NOPCHAP1: variants seen among roughly 807,000 people sequenced by gnomAD.
The protein encoded by NOPCHAP1 is NOP protein chaperone 1.
In NOPCHAP1, 13 loss-of-function variants were observed where a neutral mutation model predicts 14.0. The ratio of observed to expected loss-of-function variants is 0.93; its 90% CI spans 0.60 to 1.47. The LOEUF is 1.47. NOPCHAP1 is among the 40% of genes most tolerant of loss of function. The pLI, the probability that NOPCHAP1 is intolerant of heterozygous loss-of-function variation, is 0.00. For missense variants in NOPCHAP1, 230 were observed against 226.9 expected (o/e 1.01, Z -0.09); for synonymous variants, 78 against 78.4 (o/e 1.00, Z 0.03).
intron 1 of NOPCHAP1, 29 bp from the exon 2 acceptor site, chr12:104,988,138 T>G: frequency 1.0e-5 from 16 of 1,529,526 alleles, no homozygotes; most frequent in Non-Finnish European, 1.4e-5. Flanking sequence ...TGTAGTAAAT[T>G]AAGGGTGTTT....
rs1353812157 is a variant in NOPCHAP1 at position 105,006,679 on chromosome 12, A to G, written c.*11983A>G. 3 of 152,198 alleles carry G rather than the reference A, an allele frequency of 2.0e-5. No homozygotes were observed. The highest frequency in any genetic ancestry group is 2.4e-5 in the African/African-American group (1 of 41,462). 9.4% of individuals were successfully genotyped at this position (152,198 alleles called of 1,614,324 possible). ...TAGATAAGGGCAGTCCTGATCATAAATCTAATTGCATTTGCACAAAACAGT... is the reference window on the plus strand; with the variant it reads ...TAGATAAGGGCAGTCCTGATCATAAGTCTAATTGCATTTGCACAAAACAGT... On this transcript the variant is annotated 3_prime_UTR_variant, in exon 4 of 4. Transcript: ENST00000552951.
At position 105,016,533 on chromosome 12, in the gene NOPCHAP1, C is replaced by T. The variant is rs558993435; in HGVS notation, c.*21837C>T. The T allele has an allele frequency of 1.4e-4, 22 of 152,832 alleles. No individual in the cohort carries two copies. The highest frequency in any genetic ancestry group is 5.3e-4 in the African/African-American group (22 of 41,562). The allele number at this position is 152,832 out of a possible 1,614,324, so 9.5% of individuals were successfully genotyped here. Reference sequence around the variant, plus strand: ...AAGGAGGTTTAATGGACTCACAGTTCCACATGGCTGAGGAGACCTCACAAT... The same window carrying T: ...AAGGAGGTTTAATGGACTCACAGTTTCACATGGCTGAGGAGACCTCACAAT... On this transcript the variant is annotated 3_prime_UTR_variant, in exon 4 of 4. Coordinates refer to ENST00000552951, the MANE Select transcript of NOPCHAP1 (RefSeq NM_152318.3).
intron 2 of NOPCHAP1, among the ~76,000 whole-genome samples, chr12:104,991,310 A>G (rs186273203): frequency 3.0e-4 from 45 of 152,304 alleles, no homozygotes; most frequent in Non-Finnish European, 7.3e-5. Flanking sequence ...GGCAGAAATA[A>G]CCACTACTTA....
In NOPCHAP1 at chr12:104,997,175, A is replaced by G. The variant is rs1873516689; in HGVS notation, c.*2479A>G. 1 of 152,324 alleles carries G rather than the reference A, an allele frequency of 6.6e-6. No individual in the cohort carries two copies. The highest frequency in any genetic ancestry group is 2.4e-5 in the African/African-American group (1 of 41,574). The allele number at this position is 152,324 out of a possible 1,614,324, so 9.4% of individuals were successfully genotyped here. ...AGACTTGTCTGTGTGGTTGCTTTAT[A>G]GTGTTACTAATCTACCTACTTAAGT... On this transcript the variant is annotated 3_prime_UTR_variant, in exon 4 of 4. Transcript: ENST00000552951.
rs1042131124 is a variant in NOPCHAP1 at position 104,996,322 on chromosome 12, G to A, written c.*1626G>A. 1.3e-5 allele frequency: 2 copies of A among 151,266 alleles called. No individual in the cohort carries two copies. The highest frequency in any genetic ancestry group is 2.9e-5 in the Non-Finnish European group (2 of 67,826). 9.4% of individuals were successfully genotyped at this position (151,266 alleles called of 1,614,324 possible). Reference sequence around the variant, plus strand: ...CCAGGAGGAAACTTACTTTTTTATAGTTCCCCTCCTTTTAAAAAGATGTTT... The same window carrying A: ...CCAGGAGGAAACTTACTTTTTTATAATTCCCCTCCTTTTAAAAAGATGTTT... On this transcript the variant is annotated 3_prime_UTR_variant, in exon 4 of 4. Transcript: ENST00000552951.
In NOPCHAP1 at chr12:105,011,232, G is replaced by A. The variant is rs949233375; in HGVS notation, c.*16536G>A. 2 of 152,118 alleles carry A rather than the reference G, an allele frequency of 1.3e-5. No homozygotes were observed. Among genetic ancestry groups the A allele is most frequent in the Non-Finnish European group, 2.9e-5 (2 of 68,016 alleles). The allele number at this position is 152,118 out of a possible 1,614,324, so 9.4% of individuals were successfully genotyped here. ...GTTGATCCCTTTACCATTATGTAAT[G>A]CCCTTCTTTGTCTTTTTTGATCTTT... is the stretch of plus-strand genomic sequence containing the variant. On this transcript the variant is annotated 3_prime_UTR_variant, in exon 4 of 4. Transcript: ENST00000552951.
At chr12:104,991,101 C>T (rs1239096757) in intron 2 of NOPCHAP1, among the ~76,000 whole-genome samples, 3 of 152,174 alleles carry the variant, frequency 2.0e-5, no homozygotes, top group South Asian at 2.1e-4. Flanking sequence ...ACAGTTCCAA[C>T]AAAAGGTCCT....
chr12:104,988,157 G>A lies in NOPCHAP1; in HGVS notation c.116-10G>A, dbSNP rs764087066. On this transcript the variant is annotated splice_polypyrimidine_tract_variant and intron_variant, in intron 1 of 3. Coordinates refer to ENST00000552951, the MANE Select transcript of NOPCHAP1 (RefSeq NM_152318.3). ...GTAAATTAAGGGTGTTTGTGTGTCT[G>A]TATTTTCAGGTATATGGGACAGGTT... is the stretch of plus-strand genomic sequence containing the variant. 6.9e-6 allele frequency: 11 copies of A among 1,597,110 alleles called. No homozygotes were observed. Among genetic ancestry groups the A allele is most frequent in the Non-Finnish European group, 9.4e-6 (11 of 1,165,788 alleles).
Position 105,014,033 on chromosome 12 carries a change from T to G in NOPCHAP1, c.*19337T>G, listed in dbSNP as rs1223872856. On this transcript the variant is annotated 3_prime_UTR_variant, in exon 4 of 4. Transcript: ENST00000552951. ...TAGGCAATTTACTGCAGAGAGGAAC[T>G]GTTCACACAGAGATGATTAGTGTCA... 1 of 152,250 alleles carries G rather than the reference T, an allele frequency of 6.6e-6. No individual in the cohort carries two copies. Among genetic ancestry groups the G allele is most frequent in the Non-Finnish European group, 1.5e-5 (1 of 68,044 alleles). The allele number at this position is 152,250 out of a possible 1,614,324, so 9.4% of individuals were successfully genotyped here. A position where few individuals can be genotyped will look rare whatever the true frequency, so the allele number is the denominator to read the frequency against.
At chr12:104,988,282 C>T in intron 2 of NOPCHAP1, 29 bp downstream of exon 2, 1 of 1,533,670 alleles carries the variant, frequency 6.5e-7, no homozygotes. Flanking sequence ...CTCTCACCCT[C>T]TCTAATGCTG....
chr12:105,003,243 T>C lies in NOPCHAP1; in HGVS notation c.*8547T>C, dbSNP rs1200857907. Reference sequence around the variant, plus strand: ...ACTTTCCCACTGTGGGCCACTGGAATTCTAATTTTTTTTGTGTGTGTGTGA... The same window carrying C: ...ACTTTCCCACTGTGGGCCACTGGAACTCTAATTTTTTTTGTGTGTGTGTGA... On this transcript the variant is annotated 3_prime_UTR_variant, in exon 4 of 4. Coordinates refer to ENST00000552951, the MANE Select transcript of NOPCHAP1 (RefSeq NM_152318.3). The C allele has an allele frequency of 6.6e-6, 1 of 152,202 alleles. No homozygotes were observed. The allele number at this position is 152,202 out of a possible 1,614,324, so 9.4% of individuals were successfully genotyped here. A position where few individuals can be genotyped will look rare whatever the true frequency, so the allele number is the denominator to read the frequency against.
chr12:104,992,685 A>G (rs1379711029), intron 3 of NOPCHAP1, among the ~76,000 whole-genome samples: 1 of 152,140 alleles, frequency 6.6e-6, no homozygotes, highest in East Asian at 1.9e-4. Flanking sequence ...GTGAGAGCGC[A>G]TTACCACCTG....
rs1325015922 is a variant in NOPCHAP1 at position 105,013,982 on chromosome 12, A to T, written c.*19286A>T. ...TTCCTATTTGGCCATCTTGCCAGCC[A>T]GCCGAGAGATCACTTTTTACTGTGA... On this transcript the variant is annotated 3_prime_UTR_variant, in exon 4 of 4. Transcript: ENST00000552951. 1 of 152,278 alleles carries T rather than the reference A, an allele frequency of 6.6e-6. No individual in the cohort carries two copies. The highest frequency in any genetic ancestry group is 1.5e-5 in the Non-Finnish European group (1 of 68,098). 9.4% of individuals were successfully genotyped at this position (152,278 alleles called of 1,614,324 possible). A position where few individuals can be genotyped will look rare whatever the true frequency, so the allele number is the denominator to read the frequency against.
rs1157230252 is a variant in NOPCHAP1, at chr12:105,008,666, G to GT, written c.*13971dup. On this transcript the variant is annotated 3_prime_UTR_variant, in exon 4 of 4. Transcript: ENST00000552951. ...TCGTGAGTTAATTTTTGTATAAGGT[G>GT]TAAGAAAGGGGTCCAGTTTCAGTTT... 2.6e-5 allele frequency: 4 copies of GT among 152,190 alleles called. No individual in the cohort carries two copies. The highest frequency in any genetic ancestry group is 5.9e-5 in the Non-Finnish European group (4 of 68,032). The allele number at this position is 152,190 out of a possible 1,614,324, so 9.4% of individuals were successfully genotyped here. A position where few individuals can be genotyped will look rare whatever the true frequency, so the allele number is the denominator to read the frequency against.
rs371639910 is a variant in NOPCHAP1, at chr12:104,986,381, G to T, written c.29G>T (p.Ser10Ile). The change falls in exon 1 of 4, where the codon AGC (serine) becomes ATC (isoleucine). Residue 10 changes from serine (S) to isoleucine (I), a missense_variant. By Grantham distance (142) the Ser-to-Ile change is moderately radical. Coordinates refer to ENST00000552951, the MANE Select transcript of NOPCHAP1 (RefSeq NM_152318.3). Reference sequence around the variant, plus strand: ...GAGGTCCATGGCAAGCCCAAGGCTAGCCCGAGTTGTTCGTCGCCCACCCGG... The same window carrying T: ...GAGGTCCATGGCAAGCCCAAGGCTATCCCGAGTTGTTCGTCGCCCACCCGG... MEVHGKPKA[S>I]PSCSSPTRDS... The T allele has an allele frequency of 4.7e-5, 76 of 1,611,376 alleles. No homozygotes were observed. Among genetic ancestry groups the T allele is most frequent in the Middle Eastern group, 1.7e-4 (1 of 6,058 alleles).
rs1873806046 is a variant in NOPCHAP1, at chr12:105,010,878, A to G, written c.*16182A>G. ...ATTTCCGTTCTTTTGCATTTAGCTG[A>G]GGAGTGTTTTACTTCAATTATGTGG... On this transcript the variant is annotated 3_prime_UTR_variant, in exon 4 of 4. Transcript: ENST00000552951. 1 of 152,130 alleles carries G rather than the reference A, an allele frequency of 6.6e-6. No homozygotes were observed. The highest frequency in any genetic ancestry group is 1.5e-5 in the Non-Finnish European group (1 of 68,018). The allele number at this position is 152,130 out of a possible 1,614,324, so 9.4% of individuals were successfully genotyped here.
Position 105,007,130 on chromosome 12 carries a change from T to C in NOPCHAP1, c.*12434T>C, listed in dbSNP as rs1050757216. ...CCTTCACTTTCCCTTTGCTCTATGT[T>C]GTCATTTAATAACTTCCCTGTTTTT... On this transcript the variant is annotated 3_prime_UTR_variant, in exon 4 of 4. Coordinates refer to ENST00000552951, the MANE Select transcript of NOPCHAP1 (RefSeq NM_152318.3). 10 of 152,182 alleles carry C rather than the reference T, an allele frequency of 6.6e-5. No individual in the cohort carries two copies. Among genetic ancestry groups the C allele is most frequent in the African/African-American group, 1.7e-4 (7 of 41,438 alleles). 9.4% of individuals were successfully genotyped at this position (152,182 alleles called of 1,614,324 possible).
Position 105,005,573 on chromosome 12 carries a change from G to A in NOPCHAP1, c.*10877G>A, listed in dbSNP as rs1461089654. 1.3e-5 allele frequency: 2 copies of A among 152,254 alleles called. No individual in the cohort carries two copies. Among genetic ancestry groups the A allele is most frequent in the Non-Finnish European group, 2.9e-5 (2 of 68,060 alleles). The allele number at this position is 152,254 out of a possible 1,614,324, so 9.4% of individuals were successfully genotyped here. Reference sequence around the variant, plus strand: ...ACTAGGCTTGTGACCAGTCTGATTGGTTGCAGGAGGGGACCAGAAGTACTT... The same window carrying A: ...ACTAGGCTTGTGACCAGTCTGATTGATTGCAGGAGGGGACCAGAAGTACTT... On this transcript the variant is annotated 3_prime_UTR_variant, in exon 4 of 4. Coordinates refer to ENST00000552951, the MANE Select transcript of NOPCHAP1 (RefSeq NM_152318.3).
In NOPCHAP1 at chr12:104,995,896, G is replaced by C. The variant is rs12315433; in HGVS notation, c.*1200G>C. 6.0e-5 allele frequency: 9 copies of C among 151,160 alleles called. No homozygotes were observed. Among genetic ancestry groups the C allele is most frequent in the African/African-American group, 2.2e-4 (9 of 40,974 alleles). 9.4% of individuals were successfully genotyped at this position (151,160 alleles called of 1,614,324 possible). On this transcript the variant is annotated 3_prime_UTR_variant, in exon 4 of 4. Transcript: ENST00000552951. ...GTAGAGACGGGATTTCACCGTGTTA[G>C]CCAGGATGGTCTCAATCTCCTGACC... is the stretch of plus-strand genomic sequence containing the variant.
Sources: allele counts gnomAD v4.1 joint callset (sites outside exome capture counted in the v4.1 genomes callset), GRCh38; gene constraint gnomAD v4.1.1; transcripts MANE v1.5; gene names NCBI Gene and HGNC (gene_info 2026-07-23, HGNC 2026-07-21).